The following FKBP5 variants were observed in gnomAD, a reference collection of about 807,000 sequenced individuals.
FKBP5 encodes peptidyl-prolyl cis-trans isomerase FKBP5.
In FKBP5, 23 loss-of-function variants were observed where a neutral mutation model predicts 50.5. The observed-to-expected ratio is 0.46, with a 90% CI of 0.33 to 0.65. FKBP5 has a LOEUF of 0.65. Among genes scored for constraint, FKBP5 ranks in the 30% least tolerant of loss-of-function variants. FKBP5 has a pLI of 0.02. For missense variants in FKBP5, 411 were observed against 553.1 expected (o/e 0.74, Z 2.58); for synonymous variants, 176 against 190.6 (o/e 0.92, Z 0.63).
intron 1 of FKBP5, among the ~76,000 whole-genome samples, chr6:35,660,308 G>A (rs996465587): frequency 2.7e-5 from 1 of 36,952 alleles, no homozygotes; most frequent in Admixed American, 4.2e-4. Context: ...TGCTCTTGTT[G>A]CCCAGGCTGG....
At chr6:35,627,231 G>A (rs769481569) in intron 3 of FKBP5, among the ~76,000 whole-genome samples, 9 of 152,096 alleles carry the variant, frequency 5.9e-5, no homozygotes, top group Non-Finnish European at 1.0e-4. Context: ...CTAATGATTA[G>A]TGATGTTGAA....
At chr6:35,600,291 C>T (rs1470177370) in intron 5 of FKBP5, among the ~76,000 whole-genome samples, 1 of 151,946 alleles carries the variant, frequency 6.6e-6, no homozygotes, top group African/African-American at 2.4e-5. Flanking sequence ...GTGACGCACA[C>T]CTATAAGTCC....
intron 8 of FKBP5, chr6:35,585,023 A>G: frequency 8.1e-6 from 8 of 985,388 alleles, no homozygotes; most frequent in Non-Finnish European, 9.6e-6. Context: ...GCTTCATAAC[A>G]TTATTTCATT....
chr6:35,624,153 A>C (rs1376818282), intron 3 of FKBP5, among the ~76,000 whole-genome samples: 2 of 152,160 alleles, frequency 1.3e-5, no homozygotes, highest in African/African-American at 4.8e-5. Flanking sequence ...TTGAGAAAGA[A>C]AAAGCCTCCC....
In FKBP5 at chr6:35,587,064, A is replaced by G; in HGVS notation, c.810T>C (p.Ile270=). The G allele has an allele frequency of 6.2e-7, 1 of 1,614,116 alleles. No homozygotes were observed. The highest frequency in any genetic ancestry group is 8.5e-7 in the Non-Finnish European group (1 of 1,179,978). The change falls in exon 8 of 11, where the codon ATT becomes ATC. Residue 270 remains isoleucine, a synonymous_variant. Coordinates refer to ENST00000357266, the MANE Select transcript of FKBP5 (RefSeq NM_004117.4). ...DTKEKLEQAA[I]VKEKGTVYFK... ...AGTATACGGTTCCCTTCTCTTTGAC[A>G]ATGGCAGCCTGCTCCAATTTTTCTT...
At chr6:35,695,023 C>T (rs1581891528) in intron 2 of FKBP5, among the ~76,000 whole-genome samples, 1 of 152,104 alleles carries the variant, frequency 6.6e-6, no homozygotes, top group Non-Finnish European at 1.5e-5. Context: ...TACAAAAACA[C>T]GCAGCCATCT....
intron 8 of FKBP5, chr6:35,586,549 T>C: frequency 1.0e-6 from 1 of 986,280 alleles, no homozygotes; most frequent in Non-Finnish European, 1.2e-6. Flanking sequence ...GGAGGATTGC[T>C]TGAGGCTAGA....
At chr6:35,698,870 AC>A (rs1166021590) in intron 2 of FKBP5, among the ~76,000 whole-genome samples, 1 of 152,148 alleles carries the variant, frequency 6.6e-6, no homozygotes, top group Non-Finnish European at 1.5e-5. Flanking sequence ...TATCACAAGA[AC>A]AGCACCAAGG....
At chr6:35,691,699 C>T (rs1303423247), upstream of FKBP5, among the ~76,000 whole-genome samples, 1 of 152,198 alleles carries the variant, frequency 6.6e-6, no homozygotes, top group Non-Finnish European at 1.5e-5. Flanking sequence ...CCTTCCTTGG[C>T]ATTTGGAAAC....
intron 1 of FKBP5, among the ~76,000 whole-genome samples, chr6:35,681,221 T>A (rs1205689049): frequency 6.6e-6 from 1 of 152,230 alleles, no homozygotes; most frequent in Non-Finnish European, 1.5e-5. Context: ...TGAATCAATA[T>A]GTTTGAGTAA....
rs868158101 is a variant in FKBP5 at position 35,629,732 on chromosome 6, G to C, written c.250+7282C>G. Among the ~76,000 whole-genome samples, 3 of 152,234 alleles carry C rather than the reference G, an allele frequency of 2.0e-5. No homozygotes were observed. The South Asian group carries it at 6.2e-4, about 32-fold the overall frequency. On this transcript the variant is annotated intron_variant, in intron 3 of 10. Transcript: ENST00000357266. ...CGAATTTAAATGGAGTGAGAAATTTGCTCAGCTTTCCACAGCCTAAATCAG... is the reference window on the plus strand; with the variant it reads ...CGAATTTAAATGGAGTGAGAAATTTCCTCAGCTTTCCACAGCCTAAATCAG...
chr6:35,683,918 C>T (rs1012842791), intron 1 of FKBP5, among the ~76,000 whole-genome samples: 5 of 151,832 alleles, frequency 3.3e-5, no homozygotes, highest in Admixed American at 6.6e-5. Context: ...ATTAGCTGGG[C>T]GTGGTGGTGT....
intron 2 of FKBP5, among the ~76,000 whole-genome samples, chr6:35,700,171 A>G (rs964119194): frequency 1.3e-5 from 2 of 151,566 alleles, no homozygotes; most frequent in East Asian, 3.9e-4. Flanking sequence ...TATTTTATTT[A>G]TTTTTTTCTG....
chr6:35,675,963 T>C (rs1256485157), intron 1 of FKBP5, among the ~76,000 whole-genome samples: 1 of 152,142 alleles, frequency 6.6e-6, no homozygotes, highest in African/African-American at 2.4e-5. Flanking sequence ...GTCCTATTAA[T>C]CCTAACAACT....
chr6:35,673,884 A>G (rs1765458597), intron 1 of FKBP5, among the ~76,000 whole-genome samples: 1 of 152,210 alleles, frequency 6.6e-6, no homozygotes, highest in Non-Finnish European at 1.5e-5. Flanking sequence ...TGAGAGTATA[A>G]AACAGCCTTC....
At chr6:35,584,845 CA>C (rs1412218573) in intron 8 of FKBP5, 9 of 985,282 alleles carry the variant, frequency 9.1e-6, no homozygotes, top group Non-Finnish European at 1.1e-5. Context: ...AGATTTTATC[CA>C]AAGATTGGTA....
intron 2 of FKBP5, among the ~76,000 whole-genome samples, chr6:35,695,862 A>C (rs1766071384): frequency 6.6e-6 from 1 of 152,186 alleles, no homozygotes. Context: ...GACAGTCTTT[A>C]GGCCGGGCGT....
At chr6:35,650,311 A>C (rs995598621) in intron 1 of FKBP5, among the ~76,000 whole-genome samples, 1 of 151,988 alleles carries the variant, frequency 6.6e-6, no homozygotes, top group African/African-American at 2.4e-5. Context: ...AAAAAAAAAA[A>C]AAAAAGGAAA....
intron 1 of FKBP5, among the ~76,000 whole-genome samples, chr6:35,662,722 G>C (rs1449413277): frequency 6.6e-6 from 1 of 152,096 alleles, no homozygotes; most frequent in Non-Finnish European, 1.5e-5. Context: ...TTTGTTAATA[G>C]GAACTCATTT....
Sources: gnomAD v4.1 joint callset for allele counts (sites outside exome capture counted in the v4.1 genomes callset) on GRCh38, gnomAD v4.1.1 for gene constraint, MANE v1.5 for transcripts, NCBI Gene and HGNC (gene_info 2026-07-23, HGNC 2026-07-21) for gene names.